Variants in CDC42BPA observed in about 807,000 individuals in gnomAD.
CDC42BPA encodes the protein CDC42 binding protein kinase alpha.
Under a neutral mutation model 223.5 loss-of-function variants are expected in CDC42BPA, and 80 were observed. The observed-to-expected ratio is 0.36, with a 90% CI of 0.30 to 0.43. CDC42BPA has a LOEUF of 0.43. CDC42BPA is among the 20% of genes least tolerant of loss of function. The pLI is 1.00. For synonymous variants in CDC42BPA, 694 were observed against 718.6 expected (o/e 0.97, Z 0.55); for missense variants, 1,743 against 2,099.9 (o/e 0.83, Z 3.32).
In CDC42BPA at chr1:227,074,027, CTG is replaced by C. The variant is rs745536655; in HGVS notation, c.2587-17_2587-16del. On this transcript the variant is annotated splice_polypyrimidine_tract_variant and intron_variant, in intron 18 of 36. Coordinates refer to ENST00000366766, the MANE Select transcript of CDC42BPA (RefSeq NM_001394014.1). ...CAGGGCATATCCTATGAAATAATGA[CTG>C]TGTTTTTAGTTCCATCCTATTTTTA... The C allele has an allele frequency of 1.2e-6, 2 of 1,605,812 alleles. No homozygotes were observed. Among genetic ancestry groups the C allele is most frequent in the African/African-American group, 1.3e-5 (1 of 74,482 alleles).
In CDC42BPA at chr1:227,145,532, T is replaced by A; in HGVS notation, c.1100A>T (p.Asp367Val). ...ATCATCTACATCAAAATTCGATGTA[T>A]CTGTTGGGCTACTAACTTCTGGAAT... ...PYIPEVSSPT[D>V]TSNFDVDDDC... is the part of the protein sequence containing the mutation. The change falls in exon 8 of 37, where the codon GAT (aspartate) becomes GTT (valine). Residue 367 changes from aspartate to valine, a missense_variant. This residue lies in a region of CDC42BPA where 321 missense variants were observed against 488.7 expected (regional missense o/e 0.66). Transcript: ENST00000366766. 1 of 1,613,394 alleles carries A rather than the reference T, an allele frequency of 6.2e-7. No individual in the cohort carries two copies. Among genetic ancestry groups the A allele is most frequent in the Non-Finnish European group, 8.5e-7 (1 of 1,179,466 alleles).
At chr1:227,067,218 G>C (rs1307622687) in intron 21 of CDC42BPA, among the ~76,000 whole-genome samples, 1 of 152,190 alleles carries the variant, frequency 6.6e-6, no homozygotes, top group Admixed American at 6.5e-5. Context: ...AGGCATTACA[G>C]GTGGGTGGCA....
intron 10 of CDC42BPA, among the ~76,000 whole-genome samples, chr1:227,136,172 G>C (rs1658532996): frequency 6.6e-6 from 1 of 151,998 alleles, no homozygotes; most frequent in Non-Finnish European, 1.5e-5. Flanking sequence ...ATAAAAATAT[G>C]GGGAAATTTC....
At chr1:227,177,026 T>G (rs1278336295) in intron 5 of CDC42BPA, among the ~76,000 whole-genome samples, 2 of 151,790 alleles carry the variant, frequency 1.3e-5, no homozygotes, top group East Asian at 1.9e-4. Context: ...GTTTATGCCC[T>G]ACCTCTCTCG....
chr1:227,275,083 G>A (rs1298098599), intron 1 of CDC42BPA, among the ~76,000 whole-genome samples: 1 of 150,220 alleles, frequency 6.7e-6, no homozygotes, highest in Non-Finnish European at 1.5e-5. Flanking sequence ...ACAACTACAA[G>A]AAGAAATACT....
intron 5 of CDC42BPA, chr1:227,183,351 C>A (rs1042457803): frequency 6.6e-6 from 1 of 152,174 alleles, no homozygotes; most frequent in African/African-American, 2.4e-5. Context: ...CTCCCCCATT[C>A]ATTTTCCCCA....
chr1:227,170,645 T>C (rs1665945729), intron 5 of CDC42BPA, among the ~76,000 whole-genome samples: 1 of 152,146 alleles, frequency 6.6e-6, no homozygotes, highest in South Asian at 2.1e-4. Flanking sequence ...CTGCCTGTGT[T>C]TCTTGGAGAA....
chr1:227,033,287 A>G, intron 27 of CDC42BPA, 47 bp downstream of exon 27: 1 of 1,307,020 alleles, frequency 7.7e-7, no homozygotes, highest in Non-Finnish European at 1.1e-6. Context: ...AAATATACTC[A>G]TTAAAAACAC....
chr1:227,253,948 T>G lies in CDC42BPA; in HGVS notation c.270+116A>C, dbSNP rs559103793. 116 of 718,762 alleles carry G rather than the reference T, an allele frequency of 1.6e-4. 1 individual carries two copies. The East Asian group carries it at 3.0e-3, about 18-fold the overall frequency. The allele number at this position is 718,762 out of a possible 1,614,324, so 44.5% of individuals were successfully genotyped here. A position where few individuals can be genotyped will look rare whatever the true frequency, so the allele number is the denominator to read the frequency against. ...CACAATCAATCACATCAATCACAAC[T>G]TAACAAATATTGTTTAACAAGTAAC... On this transcript the variant is annotated intron_variant, in intron 2 of 36. Coordinates refer to ENST00000366766, the MANE Select transcript of CDC42BPA (RefSeq NM_001394014.1).
intron 2 of CDC42BPA, 150 bp downstream of exon 2, chr1:227,253,914 T>C (rs1205693460): frequency 8.0e-6 from 5 of 627,948 alleles, no homozygotes; most frequent in Non-Finnish European, 1.4e-5. Context: ...ATTATATCAA[T>C]CACAACAGCA....
intron 11 of CDC42BPA, among the ~76,000 whole-genome samples, chr1:227,123,068 C>T (rs550846564): frequency 4.6e-5 from 7 of 152,200 alleles, no homozygotes; most frequent in Admixed American, 1.3e-4. Context: ...TTTGGGAGGC[C>T]GAGGCTGGCA....
intron 1 of CDC42BPA, among the ~76,000 whole-genome samples, chr1:227,255,226 A>G (rs1218212486): frequency 6.6e-6 from 1 of 152,214 alleles, no homozygotes; most frequent in Non-Finnish European, 1.5e-5. Context: ...GGATCATAAT[A>G]CATGGGTGTA....
rs34787332 is a variant in CDC42BPA at position 227,230,816 on chromosome 1, C to CTTTTTTTTT, written c.271-17598_271-17597insAAAAAAAAA. ...ACTGATTTCTATTTCTTTTTTCTTT[C>CTTTTTTTTT]TTTCTTTTTTTTTTTTTTTTTTTGA... is the stretch of plus-strand genomic sequence containing the variant. On this transcript the variant is annotated intron_variant, in intron 2 of 36. Coordinates refer to ENST00000366766, the MANE Select transcript of CDC42BPA (RefSeq NM_001394014.1). Among the ~76,000 whole-genome samples, 285 of 53,956 alleles carry CTTTTTTTTT rather than the reference C, an allele frequency of 5.3e-3. 10 individuals are homozygous for CTTTTTTTTT. The highest frequency in any genetic ancestry group is 9.5e-3 in the Non-Finnish European group (247 of 25,964). The allele number at this position is 53,956 out of a possible 152,430, so 35.4% of individuals were successfully genotyped here.
intron 34 of CDC42BPA, chr1:227,010,987 T>A: frequency 7.3e-7 from 1 of 1,362,558 alleles, no homozygotes; most frequent in Non-Finnish European, 9.8e-7. Context: ...AACAGTCATG[T>A]GATAGATGTG....
chr1:227,177,338 C>T (rs1301493929), intron 5 of CDC42BPA, among the ~76,000 whole-genome samples: 2 of 152,054 alleles, frequency 1.3e-5, no homozygotes, highest in Admixed American at 1.3e-4. Flanking sequence ...CCCCTCACCC[C>T]CACTTCATTA....
At position 227,261,124 on chromosome 1, in the gene CDC42BPA, C is replaced by CTTTTTTT. The variant is rs386369874; in HGVS notation, c.179-6976_179-6970dup. On this transcript the variant is annotated intron_variant, in intron 1 of 36. Coordinates refer to ENST00000366766, the MANE Select transcript of CDC42BPA (RefSeq NM_001394014.1). ...TTTTTAACAGAATAATTGAGTTTTT[C>CTTTTTTT]TTTTTTTTTGAGACAGAGTCTCGCT... Among the ~76,000 whole-genome samples, 8 of 121,002 alleles carry CTTTTTTT rather than the reference C, an allele frequency of 6.6e-5. 1 individual carries two copies. The highest frequency in any genetic ancestry group is 1.3e-4 in the African/African-American group (4 of 31,326). 79.4% of individuals were successfully genotyped at this position (121,002 alleles called of 152,430 possible). A position where few individuals can be genotyped will look rare whatever the true frequency, so the allele number is the denominator to read the frequency against.
rs533917918 is a variant in CDC42BPA, at chr1:227,296,300, T to C, written c.178+20705A>G. ...TTTCTATATGGCAAATCTGGAACAA[T>C]TGGAATTTCCACATGGAAAAGAATG... On this transcript the variant is annotated intron_variant, in intron 1 of 36. Coordinates refer to ENST00000366766, the MANE Select transcript of CDC42BPA (RefSeq NM_001394014.1). 1.9e-3 allele frequency among the ~76,000 whole-genome samples: 295 copies of C among 152,240 alleles called. 2 individuals carry two copies. The highest frequency in any genetic ancestry group is 6.2e-3 in the African/African-American group (256 of 41,538).
chr1:227,181,042 G>A (rs1667848754), intron 5 of CDC42BPA, among the ~76,000 whole-genome samples: 2 of 151,514 alleles, frequency 1.3e-5, no homozygotes, highest in South Asian at 4.2e-4. Context: ...CCCAAATTTT[G>A]TATTTGAACA....
At chr1:227,062,556 AG>A (rs1676135799) in intron 21 of CDC42BPA, among the ~76,000 whole-genome samples, 1 of 152,346 alleles carries the variant, frequency 6.6e-6, no homozygotes, top group East Asian at 1.9e-4. Context: ...ATTACGCTTA[AG>A]GGCAGGAAGT....
Sources: allele counts gnomAD v4.1 joint callset (sites outside exome capture counted in the v4.1 genomes callset), GRCh38; gene constraint gnomAD v4.1.1; regional missense constraint gnomAD v4.1.1; transcripts MANE v1.5; gene names NCBI Gene and HGNC (gene_info 2026-07-23, HGNC 2026-07-21).